The following HECTD4 variants were observed in gnomAD, a reference collection of about 807,000 sequenced individuals.
HECTD4 encodes the protein HECT domain E3 ubiquitin protein ligase 4.
A neutral mutation model predicts 471.5 loss-of-function variants in HECTD4; 114 were observed. That is an observed-to-expected ratio of 0.24 (90% CI 0.21 to 0.28). The LOEUF is 0.28. Ranked by LOEUF, HECTD4 falls within the 10% of genes least tolerant of loss-of-function variation. HECTD4 has a pLI of 1.00. For missense variants in HECTD4, 3,866 were observed against 5,651.5 expected, an observed-to-expected ratio of 0.68 and a Z score of 10.13; for synonymous variants, 2,012 against 2,256.0, an observed-to-expected ratio of 0.89 and a Z score of 3.07.
At chr12:112,286,722 C>A (rs1197642184) in intron 7 of HECTD4, among the ~76,000 whole-genome samples, 3 of 152,112 alleles carry the variant, frequency 2.0e-5, no homozygotes, top group Non-Finnish European at 2.9e-5. Context: ...AAGGTAAAAC[C>A]ATGTCTTCCC....
At position 112,264,091 on chromosome 12, in the gene HECTD4, T is replaced by G. The variant is rs1378224806; in HGVS notation, c.2741A>C (p.Lys914Thr). ...ATAAAGCTTGGTGTTTACCTGTACC[T>G]TCAATGTCTCTCCCTGCAAGGAGCT... ...SDSSLQGETL[K>T]VQELKVSILA... The change falls in exon 17 of 76, where the codon AAG becomes ACG. Residue 914 changes from lysine (K) to threonine (T), a missense_variant. Lys to Thr is a moderately conservative substitution (Grantham distance 78). Around this residue, in one of 16 missense-constraint regions of HECTD4, gnomAD observed 525 missense variants for 672.6 expected, o/e 0.78. Transcript: ENST00000682272. 7 of 1,609,922 alleles carry G rather than the reference T, an allele frequency of 4.3e-6. No individual in the cohort carries two copies. The highest frequency in any genetic ancestry group is 5.9e-6 in the Non-Finnish European group (7 of 1,178,100).
At chr12:112,180,542 AAAC>A (rs938994675) in intron 62 of HECTD4, among the ~76,000 whole-genome samples, 6 of 151,630 alleles carry the variant, frequency 4.0e-5, no homozygotes, top group Admixed American at 2.0e-4. Context: ...AAAAAAAAAA[AAAC>A]AACAACAACA....
At chr12:112,253,818 A>G (rs1358191950) in intron 22 of HECTD4, among the ~76,000 whole-genome samples, 1 of 152,206 alleles carries the variant, frequency 6.6e-6, no homozygotes, top group South Asian at 2.1e-4. Context: ...ACTTCTATGC[A>G]TGGAGTAACT....
intron 1 of HECTD4, among the ~76,000 whole-genome samples, chr12:112,362,003 C>T (rs376411883): frequency 8.5e-5 from 13 of 152,210 alleles, no homozygotes; most frequent in East Asian, 1.9e-4. Flanking sequence ...TGAAATAAAC[C>T]GGTAGGATCA....
At chr12:112,237,577 G>GA (rs2033542562) in intron 34 of HECTD4, among the ~76,000 whole-genome samples, 3 of 152,122 alleles carry the variant, frequency 2.0e-5, no homozygotes, top group Admixed American at 2.0e-4. Flanking sequence ...TGTTCTGCTC[G>GA]AAAGTATTCT....
In HECTD4 at chr12:112,306,302, T is replaced by C. The variant is rs896311228; in HGVS notation, c.1165-68A>G. ...AATTCTGATTAATCCTATCAGCTCA[T>C]CATTAATGCCATTATGCCCAAGATG... On this transcript the variant is annotated intron_variant, in intron 6 of 75. Transcript: ENST00000682272. 7 of 1,238,014 alleles carry C rather than the reference T, an allele frequency of 5.7e-6. No homozygotes were observed. The African/African-American group carries it at 1.1e-4, about 19-fold the overall frequency. 76.7% of individuals were successfully genotyped at this position (1,238,014 alleles called of 1,614,324 possible). A position where few individuals can be genotyped will look rare whatever the true frequency, so the allele number is the denominator to read the frequency against.
Position 112,210,005 on chromosome 12 carries a change from G to GGA in HECTD4, c.7867+9_7867+10insTC. On this transcript the variant is annotated intron_variant, in intron 50 of 75. Coordinates refer to ENST00000682272, the MANE Select transcript of HECTD4 (RefSeq NM_001388303.1). The stretch of plus-strand genomic sequence containing the variant: ...GCCATGGAGGCAGTAAGTTCCAGGA[G>GGA]GTGACTTACGTTGCTGAGCGGTGGC... 6.2e-7 allele frequency: 1 copy of GGA among 1,602,082 alleles called. No individual in the cohort carries two copies. Among genetic ancestry groups the GGA allele is most frequent in the Non-Finnish European group, 8.5e-7 (1 of 1,171,306 alleles).
chr12:112,170,544 A>C, intron 68 of HECTD4, 92 bp from the exon 69 acceptor site: 1 of 1,510,560 alleles, frequency 6.6e-7, no homozygotes, highest in Non-Finnish European at 9.0e-7. Context: ...TGGGTGTGGC[A>C]CTCTCAGGCC....
At chr12:112,292,948 G>A (rs2034920502) in intron 7 of HECTD4, among the ~76,000 whole-genome samples, 1 of 152,000 alleles carries the variant, frequency 6.6e-6, no homozygotes, top group African/African-American at 2.4e-5. Flanking sequence ...CTTGAACCCA[G>A]GAGGCGGAGG....
Position 112,184,613 on chromosome 12 carries a change from C to G in HECTD4, c.10353G>C (p.Gly3451=). ...TCTTCTCGGGCTCAACTTTCCCGTC[C>G]CCGCCCTCGGCCTTGTCTTTTGGCT... ...TKKPKDKAEG[G]DGKVEPEKTL... is the part of the protein sequence containing the mutation. The change falls in exon 61 of 76, where the codon GGG becomes GGC. Residue 3451 remains glycine, a synonymous_variant. Transcript: ENST00000682272. The surrounding 1 kb of genome is among the most constrained non-coding windows in gnomAD (Gnocchi z 9.1). 1.9e-6 allele frequency: 3 copies of G among 1,613,886 alleles called. No individual in the cohort carries two copies. Among genetic ancestry groups the G allele is most frequent in the Non-Finnish European group, 2.5e-6 (3 of 1,179,874 alleles).
intron 71 of HECTD4, 56 bp downstream of exon 71, chr12:112,167,758 C>T: frequency 6.8e-7 from 1 of 1,462,392 alleles, no homozygotes; most frequent in South Asian, 1.1e-5. Flanking sequence ...GCCACCCCAG[C>T]CACTGCGCAG....
At chr12:112,377,608 C>T (rs967263052) in intron 1 of HECTD4, among the ~76,000 whole-genome samples, 1 of 152,140 alleles carries the variant, frequency 6.6e-6, no homozygotes, top group East Asian at 1.9e-4. Flanking sequence ...CGGTGGCTCA[C>T]GCCTGTAATC....
chr12:112,288,805 C>A (rs1172316728), intron 7 of HECTD4, among the ~76,000 whole-genome samples: 1 of 152,190 alleles, frequency 6.6e-6, no homozygotes, highest in Non-Finnish European at 1.5e-5. Flanking sequence ...ACAGCCCAAG[C>A]TAAGCTCCCA....
intron 1 of HECTD4, among the ~76,000 whole-genome samples, chr12:112,320,656 G>A (rs896739204): frequency 5.9e-5 from 9 of 151,646 alleles, no homozygotes; most frequent in South Asian, 2.1e-4. Flanking sequence ...AGCCGAGATC[G>A]CACCACTGAA....
rs1277033719 is a variant in HECTD4, at chr12:112,231,212, G to C, written c.6200+301C>G. 4 of 468,700 alleles carry C rather than the reference G, an allele frequency of 8.5e-6. No individual in the cohort carries two copies. The Admixed American group carries it at 1.0e-4, about 12-fold the overall frequency. The allele number at this position is 468,700 out of a possible 1,614,324, so 29.0% of individuals were successfully genotyped here. A position where few individuals can be genotyped will look rare whatever the true frequency, so the allele number is the denominator to read the frequency against. On this transcript the variant is annotated intron_variant, in intron 39 of 75. Transcript: ENST00000682272. ...TTGGGGCAGTGGAGATGTACCATTT[G>C]CAAGAAATAAAGGTAGCAAGACCAG...
At chr12:112,308,689 G>A in intron 6 of HECTD4, 64 bp downstream of exon 6, 2 of 1,369,656 alleles carry the variant, frequency 1.5e-6, no homozygotes, top group Non-Finnish European at 2.0e-6. Context: ...TACTTCTGAT[G>A]ATATAGGAAC....
intron 55 of HECTD4, among the ~76,000 whole-genome samples, chr12:112,195,934 G>A (rs2032228351): frequency 6.6e-6 from 1 of 152,206 alleles, no homozygotes; most frequent in Non-Finnish European, 1.5e-5. Context: ...GGCCAAAGCA[G>A]GAGGATTACT....
chr12:112,192,491 G>A, intron 59 of HECTD4, 69 bp downstream of exon 59: 3 of 1,202,980 alleles, frequency 2.5e-6, no homozygotes, highest in Non-Finnish European at 3.4e-6. Context: ...ATTCATTATA[G>A]CTTCAAAAAG....
Position 112,179,415 on chromosome 12 carries a change from G to C in HECTD4, c.10988-18C>G, listed in dbSNP as rs1390996481. 6.3e-7 allele frequency: 1 copy of C among 1,594,808 alleles called. No individual in the cohort carries two copies. Among genetic ancestry groups the C allele is most frequent in the Non-Finnish European group, 8.6e-7 (1 of 1,168,070 alleles). On this transcript the variant is annotated intron_variant, in intron 62 of 75. Transcript: ENST00000682272. The surrounding 1 kb of genome is among the most constrained non-coding windows in gnomAD (Gnocchi z 4.3). ...CTTCTCCCCTGTTGGATGGAGAGGG[G>C]GCAAAACAATTCTGCCGTGAACATG...
Sources: gnomAD v4.1 joint callset for allele counts (sites outside exome capture counted in the v4.1 genomes callset) on GRCh38, gnomAD v4.1.1 for gene constraint, gnomAD v4.1.1 regional missense constraint, Gnocchi (gnomAD v3.1) non-coding constraint, MANE v1.5 for transcripts, NCBI Gene and HGNC (gene_info 2026-07-23, HGNC 2026-07-21) for gene names.